The following NRIP1 variants were observed in gnomAD, a reference collection of about 807,000 sequenced individuals.
NRIP1 encodes nuclear receptor-interacting protein 1.
In NRIP1, 28 loss-of-function variants were observed where a neutral mutation model predicts 75.0. That is an observed-to-expected ratio of 0.37 (90% CI 0.28 to 0.51). NRIP1 has a LOEUF of 0.51. NRIP1 is among the 20% of genes least tolerant of loss of function. The pLI, the probability that NRIP1 is intolerant of heterozygous loss-of-function variation, is 0.92. For synonymous variants in NRIP1, 526 were observed against 487.6 expected (o/e 1.08, Z -1.04); for missense variants, 1,435 against 1,343.7 (o/e 1.07, Z -1.06).
intron 1 of NRIP1, among the ~76,000 whole-genome samples, chr21:15,044,221 G>C (rs1009398753): frequency 1.3e-5 from 2 of 151,530 alleles, no homozygotes; most frequent in African/African-American, 4.9e-5. Context: ...AAGGATTCTG[G>C]GAGAAAAAGT....
At chr21:14,985,371 C>T (rs982290230) in intron 3 of NRIP1, among the ~76,000 whole-genome samples, 1 of 152,090 alleles carries the variant, frequency 6.6e-6, no homozygotes, top group African/African-American at 2.4e-5. Context: ...TAAAAAGGCA[C>T]AAAATTAAAG....
chr21:14,975,662 A>G (rs538807267), intron 3 of NRIP1, among the ~76,000 whole-genome samples: 13 of 120,120 alleles, frequency 1.1e-4, no homozygotes, highest in South Asian at 5.1e-4. Flanking sequence ...AGGAAGGGAG[A>G]GAGAGAGAGA....
intron 3 of NRIP1, among the ~76,000 whole-genome samples, chr21:14,976,339 T>C (rs1201158888): frequency 6.6e-6 from 1 of 152,154 alleles, no homozygotes; most frequent in African/African-American, 2.4e-5. Flanking sequence ...ACCATATGCG[T>C]AGATTGATTT....
chr21:15,011,293 C>G (rs1164136984), intron 3 of NRIP1, among the ~76,000 whole-genome samples: 1 of 152,082 alleles, frequency 6.6e-6, no homozygotes, highest in Non-Finnish European at 1.5e-5. Flanking sequence ...GGGTTCACGC[C>G]ATTCTCCTGC....
chr21:14,998,930 C>T (rs1255959435), intron 3 of NRIP1, among the ~76,000 whole-genome samples: 1 of 152,138 alleles, frequency 6.6e-6, no homozygotes, highest in Non-Finnish European at 1.5e-5. Context: ...TTTAACTGCA[C>T]AGTGGCTGGG....
At chr21:15,054,662 C>T (rs932842991) in intron 1 of NRIP1, among the ~76,000 whole-genome samples, 4 of 152,160 alleles carry the variant, frequency 2.6e-5, no homozygotes, top group Non-Finnish European at 5.9e-5. Flanking sequence ...TAATTAACAA[C>T]TGCTATGCAT....
intron 1 of NRIP1, among the ~76,000 whole-genome samples, chr21:15,059,748 T>G (rs976332418): frequency 1.3e-5 from 2 of 152,144 alleles, no homozygotes; most frequent in African/African-American, 4.8e-5. Context: ...TAAGAAATCT[T>G]AATACTAAGA....
intron 3 of NRIP1, chr21:14,971,645 A>G (rs1370432847): frequency 6.6e-6 from 1 of 152,178 alleles, no homozygotes; most frequent in Admixed American, 6.5e-5. Context: ...TTCTTTTCAC[A>G]TTTTCACATG....
intron 1 of NRIP1, among the ~76,000 whole-genome samples, chr21:15,061,797 T>G (rs1455489863): frequency 1.3e-5 from 2 of 152,168 alleles, no homozygotes; most frequent in Non-Finnish European, 2.9e-5. Flanking sequence ...CCTAAGCCAC[T>G]CTGATTTAAA....
At chr21:14,979,631 T>C (rs909761561) in intron 3 of NRIP1, among the ~76,000 whole-genome samples, 1 of 152,330 alleles carries the variant, frequency 6.6e-6, no homozygotes, top group Admixed American at 6.5e-5. Flanking sequence ...TTATAAAGTA[T>C]GTTTTGTTAA....
upstream of NRIP1, among the ~76,000 whole-genome samples, chr21:15,065,190 C>T (rs1978779212): frequency 1.3e-5 from 2 of 152,102 alleles, no homozygotes; most frequent in South Asian, 4.1e-4. Flanking sequence ...CGCGCGGATC[C>T]GGGCGGCTCA....
Position 14,967,018 on chromosome 21 carries a change from G to A in NRIP1, c.1175C>T (p.Pro392Leu), listed in dbSNP as rs1344992321. The change falls in exon 4 of 4, where the codon CCA (proline) becomes CTA (leucine). Residue 392 changes from proline to leucine, a missense_variant. Pro to Leu is a moderately conservative substitution (Grantham distance 98). Transcript: ENST00000318948. ...CTCACTGTGACTGTGTCCATTCATT[G>A]GCTTAGGTATAGTCTGGCTTTTAAG... Reference protein sequence around the residue: ...HLLKSQTIPKPMNGHSHSERG... With the variant: ...HLLKSQTIPKLMNGHSHSERG... The A allele has an allele frequency of 6.2e-7, 1 of 1,614,114 alleles. No individual in the cohort carries two copies. The highest frequency in any genetic ancestry group is 2.2e-5 in the East Asian group (1 of 44,880).
At chr21:14,969,678 C>T (rs1262729554) in intron 3 of NRIP1, among the ~76,000 whole-genome samples, 2 of 152,060 alleles carry the variant, frequency 1.3e-5, no homozygotes, top group East Asian at 1.9e-4. Flanking sequence ...TACCTTGGTC[C>T]CTATGGAATT....
intron 1 of NRIP1, among the ~76,000 whole-genome samples, chr21:15,046,301 C>T (rs1033704177): frequency 1.3e-5 from 2 of 152,166 alleles, no homozygotes; most frequent in Non-Finnish European, 2.9e-5. Flanking sequence ...GTATTAGCAG[C>T]CATGAAAATT....
chr21:15,044,109 A>G (rs1239294614), intron 1 of NRIP1, among the ~76,000 whole-genome samples: 1 of 152,078 alleles, frequency 6.6e-6, no homozygotes, highest in Non-Finnish European at 1.5e-5. Context: ...GTGAGCCAGC[A>G]CACCCGGCCC....
chr21:15,011,511 A>AC (rs2088102922), intron 3 of NRIP1, among the ~76,000 whole-genome samples: 4 of 152,114 alleles, frequency 2.6e-5, no homozygotes, highest in Admixed American at 2.6e-4. Flanking sequence ...TTTAAAAAAA[A>AC]ATTTATATAG....
intron 1 of NRIP1, among the ~76,000 whole-genome samples, chr21:15,049,510 A>G (rs2089158413): frequency 6.6e-6 from 1 of 152,102 alleles, no homozygotes. Context: ...ACAAGGTATT[A>G]TTGGCACTTG....
At chr21:15,034,846 G>C (rs2088795916) in intron 2 of NRIP1, among the ~76,000 whole-genome samples, 1 of 152,046 alleles carries the variant, frequency 6.6e-6, no homozygotes, top group Admixed American at 6.6e-5. Flanking sequence ...CTAATTAGAA[G>C]GACATGGTGA....
chr21:15,011,184 C>CTTTTTTTTTTGAG (rs2088091708), intron 3 of NRIP1, among the ~76,000 whole-genome samples: 1 of 152,138 alleles, frequency 6.6e-6, no homozygotes, highest in Non-Finnish European at 1.5e-5. Context: ...TAACCCAGCT[C>CTTTTTTTTTTGAG]ATCAGTACTG....
Sources: gnomAD v4.1 joint callset for allele counts (sites outside exome capture counted in the v4.1 genomes callset) on GRCh38, gnomAD v4.1.1 for gene constraint, MANE v1.5 for transcripts, NCBI Gene and HGNC (gene_info 2026-07-23, HGNC 2026-07-21) for gene names.